CCDC117: variants seen among roughly 807,000 people sequenced by gnomAD.
The protein encoded by CCDC117 is coiled-coil domain-containing protein 117.
CCDC117 carries 1 observed loss-of-function variant against 23.5 expected under a neutral mutation model. That is an observed-to-expected ratio of 0.04 (90% CI 0.02 to 0.20). The LOEUF is 0.20. Among genes scored for constraint, CCDC117 ranks in the 10% least tolerant of loss-of-function variants. The pLI, the probability that CCDC117 is intolerant of heterozygous loss-of-function variation, is 1.00. For missense variants in CCDC117, 383 were observed against 348.2 expected (o/e 1.10, Z -0.80); for synonymous variants, 132 against 124.8 (o/e 1.06, Z -0.39).
rs1191910355 is a variant in CCDC117, at chr22:28,789,030, C to CACTTAAAAA, written c.*2710_*2718dup. ...AAGTCCAGTTCTCATAAATATTGATCACTTAAAAAACTTACTCTTTCTTGA... is the reference window on the plus strand; with the variant it reads ...AAGTCCAGTTCTCATAAATATTGATCACTTAAAAAACTTAAAAAACTTACTCTTTCTTGA... On this transcript the variant is annotated 3_prime_UTR_variant, in exon 5 of 5. Transcript: ENST00000249064. The CACTTAAAAA allele has an allele frequency of 7.2e-6, 1 of 137,946 alleles. No homozygotes were observed. The highest frequency in any genetic ancestry group is 1.5e-5 in the Non-Finnish European group (1 of 64,604). 8.5% of individuals were successfully genotyped at this position (137,946 alleles called of 1,614,324 possible).
chr22:28,783,957 C>T (rs2031434450), intron 4 of CCDC117, among the ~76,000 whole-genome samples: 1 of 152,106 alleles, frequency 6.6e-6, no homozygotes, highest in Non-Finnish European at 1.5e-5. Context: ...ATACAGGAAC[C>T]ACATTTTAAA....
At chr22:28,782,436 G>T (rs1161756010) in intron 3 of CCDC117, among the ~76,000 whole-genome samples, 6 of 150,764 alleles carry the variant, frequency 4.0e-5, no homozygotes, top group Admixed American at 2.0e-4. Flanking sequence ...ATTTTTTTTT[G>T]TATTTTTATT....
At chr22:28,781,315 C>CTT in intron 3 of CCDC117, 143 bp downstream of exon 3, 1 of 351,436 alleles carries the variant, frequency 2.8e-6, no homozygotes, top group South Asian at 4.1e-5. Context: ...AAAGTGTATT[C>CTT]GTTTTTGTTT....
At chr22:28,776,286 G>A (rs1249253532) in intron 2 of CCDC117, among the ~76,000 whole-genome samples, 4 of 152,062 alleles carry the variant, frequency 2.6e-5, no homozygotes, top group African/African-American at 9.7e-5. Flanking sequence ...GCGCCCCTGT[G>A]ATCCCAGCCA....
intron 3 of CCDC117, among the ~76,000 whole-genome samples, chr22:28,781,800 C>T (rs189125046): frequency 9.9e-4 from 150 of 151,890 alleles, no homozygotes; most frequent in Non-Finnish European, 1.9e-3. Context: ...TGCGCCACCA[C>T]GCCTGGCTAA....
chr22:28,783,700 T>C (rs1054202501), intron 4 of CCDC117, 55 bp downstream of exon 4: 32 of 1,544,866 alleles, frequency 2.1e-5, no homozygotes, highest in Admixed American at 1.0e-4. Context: ...GAAGACCCAA[T>C]GTCTAGATTC....
chr22:28,777,506 T>TTTTC (rs2031201309), intron 2 of CCDC117, among the ~76,000 whole-genome samples: 1 of 147,614 alleles, frequency 6.8e-6, no homozygotes, highest in African/African-American at 2.5e-5. Flanking sequence ...ACATCTTTTC[T>TTTTC]TTTTTTTTTT....
At chr22:28,773,861 G>C in intron 2 of CCDC117, 83 bp downstream of exon 2, 1 of 1,061,674 alleles carries the variant, frequency 9.4e-7, no homozygotes, top group Non-Finnish European at 1.5e-6. Flanking sequence ...AAGTGAAAAG[G>C]TGAAACATTA....
Position 28,783,734 on chromosome 22 carries a change from C to CT in CCDC117, c.602+94dup, listed in dbSNP as rs2031427481. On this transcript the variant is annotated intron_variant, in intron 4 of 4. Transcript: ENST00000249064. ...TCTGCCCACCCTGTCCTCATTAGCTCTTTTTATCTCCTGATCCCCAGGCAA... is the reference window on the plus strand; with the variant it reads ...TCTGCCCACCCTGTCCTCATTAGCTCTTTTTTATCTCCTGATCCCCAGGCAA... 1.4e-5 allele frequency: 17 copies of CT among 1,233,914 alleles called. 1 individual carries two copies. In the Admixed American group the frequency reaches 3.2e-4, roughly 23 times the overall value. The allele number at this position is 1,233,914 out of a possible 1,614,324, so 76.4% of individuals were successfully genotyped here. A position where few individuals can be genotyped will look rare whatever the true frequency, so the allele number is the denominator to read the frequency against.
intron 4 of CCDC117, among the ~76,000 whole-genome samples, chr22:28,784,458 C>T (rs188382560): frequency 6.6e-6 from 1 of 152,312 alleles, no homozygotes. Flanking sequence ...ATCGAGTTGG[C>T]ACTCAATAAG....
intron 4 of CCDC117, among the ~76,000 whole-genome samples, chr22:28,785,543 T>C (rs2031485293): frequency 1.3e-5 from 2 of 152,158 alleles, no homozygotes; most frequent in African/African-American, 4.8e-5. Context: ...ACTTTCAGCA[T>C]GTTTGTCCAG....
chr22:28,775,072 G>A (rs2031123203), intron 2 of CCDC117, among the ~76,000 whole-genome samples: 1 of 152,048 alleles, frequency 6.6e-6, no homozygotes, highest in African/African-American at 2.4e-5. Context: ...GACCAGCTTG[G>A]CCAGCATGGT....
intron 3 of CCDC117, among the ~76,000 whole-genome samples, chr22:28,781,922 C>T (rs1398184896): frequency 3.3e-5 from 5 of 151,100 alleles, no homozygotes; most frequent in South Asian, 2.1e-4. Flanking sequence ...GGATTACAGG[C>T]GTGAGCCACA....
Position 28,781,758 on chromosome 22 carries a change from C to T in CCDC117, c.464+586C>T, listed in dbSNP as rs185060597. Among the ~76,000 whole-genome samples the T allele has an allele frequency of 3.5e-3, 538 of 152,110 alleles. 3 individuals are homozygous for T. Among genetic ancestry groups the T allele is most frequent in the African/African-American group, 0.012 (507 of 41,494 alleles). Reference sequence around the variant, plus strand: ...TCCCGGGTTCAAGTGATTCTCCTGCCCCAGCTTCCCAAGTAGCTGGGATTA... The same window carrying T: ...TCCCGGGTTCAAGTGATTCTCCTGCTCCAGCTTCCCAAGTAGCTGGGATTA... On this transcript the variant is annotated intron_variant, in intron 3 of 4. Coordinates refer to ENST00000249064, the MANE Select transcript of CCDC117 (RefSeq NM_173510.4).
chr22:28,785,622 A>C (rs1303022126), intron 4 of CCDC117, among the ~76,000 whole-genome samples: 1 of 152,220 alleles, frequency 6.6e-6, no homozygotes, highest in Non-Finnish European at 1.5e-5. Flanking sequence ...CCACAACTTA[A>C]AAAAATTTCC....
rs979094865 is a variant in CCDC117, at chr22:28,785,164, C to T, written c.603-925C>T. Among the ~76,000 whole-genome samples the T allele has an allele frequency of 4.8e-5, 7 of 147,224 alleles. No individual in the cohort carries two copies. The South Asian group carries it at 6.4e-4, about 14-fold the overall frequency. On this transcript the variant is annotated intron_variant, in intron 4 of 4. Coordinates refer to ENST00000249064, the MANE Select transcript of CCDC117 (RefSeq NM_173510.4). ...TGTGTGTGTAACATAGTCATTTTGC[C>T]TTAACCATGAAGCTTGTTTTGTTTT...
Position 28,772,952 on chromosome 22 carries a change from G to A in CCDC117, c.103G>A (p.Gly35Arg), listed in dbSNP as rs1192681759. 1.6e-6 allele frequency: 2 copies of A among 1,214,786 alleles called. No individual in the cohort carries two copies. Among genetic ancestry groups the A allele is most frequent in the Non-Finnish European group, 2.0e-6 (2 of 977,004 alleles). The allele number at this position is 1,214,786 out of a possible 1,614,324, so 75.3% of individuals were successfully genotyped here. A position where few individuals can be genotyped will look rare whatever the true frequency, so the allele number is the denominator to read the frequency against. ...CTTCCCCGGCCGGGCCTTCCCGCCG[G>A]GGGCTGACGGCGCCGAGTTGGCCCC... ...PAFPGRAFPP[G>R]ADGAELAPRP... The change falls in exon 1 of 5, where the codon GGG becomes AGG. Residue 35 changes from glycine (G) to arginine (R), a missense_variant. By Grantham distance (125) the Gly-to-Arg change is moderately radical. Coordinates refer to ENST00000249064, the MANE Select transcript of CCDC117 (RefSeq NM_173510.4).
intron 3 of CCDC117, among the ~76,000 whole-genome samples, chr22:28,782,628 G>A (rs1285602544): frequency 6.6e-6 from 1 of 151,998 alleles, no homozygotes; most frequent in Non-Finnish European, 1.5e-5. Context: ...TAGTAAAGAT[G>A]GGGTTTCACC....
intron 4 of CCDC117, 147 bp from the exon 5 acceptor site, chr22:28,785,938 AAAAG>A (rs953941167): frequency 9.2e-5 from 56 of 610,650 alleles, no homozygotes; most frequent in East Asian, 5.4e-4. Flanking sequence ...AAAAAAAAAA[AAAAG>A]AAAGTAAAGA....
Sources: gnomAD v4.1 joint callset for allele counts (sites outside exome capture counted in the v4.1 genomes callset) on GRCh38, gnomAD v4.1.1 for gene constraint, MANE v1.5 for transcripts, NCBI Gene and HGNC (gene_info 2026-07-23, HGNC 2026-07-21) for gene names.